Variants in SLC9A8 observed in about 807,000 individuals in gnomAD.
SLC9A8 encodes the protein sodium/hydrogen exchanger 8.
SLC9A8 carries 48 observed loss-of-function variants against 66.6 expected under a neutral mutation model. The ratio of observed to expected loss-of-function variants is 0.72; its 90% confidence interval spans 0.57 to 0.92. SLC9A8 has a LOEUF of 0.92. Ranked by LOEUF, SLC9A8 falls within the 40% of genes least tolerant of loss-of-function variation. SLC9A8 has a pLI of 0.00. For synonymous variants in SLC9A8, 274 were observed against 282.6 expected (o/e 0.97, Z 0.31); for missense variants, 599 against 747.3 (o/e 0.80, Z 2.31).
intron 3 of SLC9A8, chr20:49,830,823 C>A: frequency 3.6e-6 from 5 of 1,402,414 alleles, no homozygotes; most frequent in South Asian, 3.5e-5. Flanking sequence ...TCAGGCCCAG[C>A]AGACACTCTT....
intron 12 of SLC9A8, among the ~76,000 whole-genome samples, chr20:49,878,893 T>C (rs1221547153): frequency 6.6e-6 from 1 of 152,134 alleles, no homozygotes; most frequent in African/African-American, 2.4e-5. Flanking sequence ...GATATGCGCC[T>C]GTAATTCCAG....
At chr20:49,877,875 GTGT>G (rs1279881778) in intron 11 of SLC9A8, 103 bp from the exon 12 acceptor site, 3 of 692,404 alleles carry the variant, frequency 4.3e-6, no homozygotes, top group African/African-American at 1.8e-5. Context: ...AATAAGGAAA[GTGT>G]TGTATTGGAT....
At chr20:49,884,250 C>CACACG (rs2089766327) in intron 14 of SLC9A8, 184 bp downstream of exon 14, 38 of 326,800 alleles carry the variant, frequency 1.2e-4, no homozygotes, top group Middle Eastern at 1.7e-3. Context: ...ACGACACACA[C>CACACG]ACACACACGA....
chr20:49,815,259 C>A, intron 2 of SLC9A8, 70 bp downstream of exon 2: 1 of 1,294,960 alleles, frequency 7.7e-7, no homozygotes, highest in Non-Finnish European at 1.0e-6. Context: ...TGTGTTTAAC[C>A]CTGTCACTCC....
intron 1 of SLC9A8, among the ~76,000 whole-genome samples, chr20:49,813,885 G>A (rs2086450861): frequency 6.6e-6 from 1 of 152,168 alleles, no homozygotes; most frequent in African/African-American, 2.4e-5. Flanking sequence ...GGGAGATGGG[G>A]AAGGACGGGC....
intron 3 of SLC9A8, among the ~76,000 whole-genome samples, chr20:49,839,207 A>G (rs2087665078): frequency 6.6e-6 from 1 of 152,192 alleles, no homozygotes. Context: ...TTAGCTTGTA[A>G]ACTCTGCATT....
rs750629267 is a variant in SLC9A8, at chr20:49,887,890, G to A, written c.1700G>A (p.Arg567His). Residue 567 changes from arginine to histidine, a missense_variant, in exon 16 of 16, where the codon CGC (arginine) becomes CAC (histidine). Arg to His is a conservative substitution (Grantham distance 29). Transcript: ENST00000361573. ...TLTNKWYEEVRQGPSGSEDDE... is the reference protein window; with the variant it reads ...TLTNKWYEEVHQGPSGSEDDE... Reference sequence around the variant, plus strand: ...ACCAACAAGTGGTACGAGGAGGTACGCCAGGGCCCCTCCGGCTCCGAGGAC... The same window carrying A: ...ACCAACAAGTGGTACGAGGAGGTACACCAGGGCCCCTCCGGCTCCGAGGAC... The A allele has an allele frequency of 2.5e-6, 4 of 1,613,748 alleles. No homozygotes were observed. The highest frequency in any genetic ancestry group is 1.7e-4 in the Middle Eastern group (1 of 6,058).
chr20:49,828,120 G>A (rs1269743045), intron 3 of SLC9A8, among the ~76,000 whole-genome samples: 16 of 116,442 alleles, frequency 1.4e-4, no homozygotes, highest in Admixed American at 9.9e-4. Flanking sequence ...CACTTTTGCC[G>A]CCCAGGCTGG....
chr20:49,830,222 A>G, intron 3 of SLC9A8: 2 of 862,760 alleles, frequency 2.3e-6, no homozygotes, highest in Non-Finnish European at 2.0e-6. Flanking sequence ...GCAGCATCAC[A>G]GACAAAAAGA....
rs57704874 is a variant in SLC9A8, at chr20:49,884,259, GACAC to G, written c.1491+204_1491+207del. On this transcript the variant is annotated intron_variant, in intron 14 of 15. Transcript: ENST00000361573. ...ACACACACGACACACACACACACACGACACACACACACACGACACACACACACAC... is the reference window on the plus strand; with the variant it reads ...ACACACACGACACACACACACACACGACACACACACGACACACACACACAC... 2.3e-4 allele frequency: 30 copies of G among 130,234 alleles called. 3 individuals are homozygous for G. In the African/African-American group the frequency reaches 2.5e-3, roughly 11 times the overall value. The allele number at this position is 130,234 out of a possible 1,614,324, so 8.1% of individuals were successfully genotyped here.
rs780562016 is a variant in SLC9A8, at chr20:49,864,808, C to T, written c.922C>T (p.Leu308=). Residue 308 remains leucine (L), a synonymous_variant, in exon 10 of 16, where the codon CTG becomes TTG. Transcript: ENST00000361573. ...EFGMMIIFAY[L]PYGLAEGISL... is the part of the protein sequence containing the mutation. Reference sequence around the variant, plus strand: ...TGGCATGATGATCATTTTTGCTTATCTGCCTTATGGGCTTGCAGAAGGAAT... The same window carrying T: ...TGGCATGATGATCATTTTTGCTTATTTGCCTTATGGGCTTGCAGAAGGAAT... 17 of 1,613,938 alleles carry T rather than the reference C, an allele frequency of 1.1e-5. No individual in the cohort carries two copies. The South Asian group carries it at 1.9e-4, about 18-fold the overall frequency.
chr20:49,872,317 G>T (rs2146712082), intron 10 of SLC9A8, among the ~76,000 whole-genome samples: 1 of 152,228 alleles, frequency 6.6e-6, no homozygotes, highest in Non-Finnish European at 1.5e-5. Context: ...GAGATCAAAT[G>T]TCCAGCTCCT....
At chr20:49,884,240 A>G (rs61401115) in intron 14 of SLC9A8, 174 bp downstream of exon 14, 5,251 of 118,738 alleles carry the variant, frequency 0.044, 450 homozygotes, top group Middle Eastern at 0.065. Flanking sequence ...ACACACACAC[A>G]CGACACACAC....
At position 49,880,908 on chromosome 20, in the gene SLC9A8, T is replaced by A. The variant is rs764695059; in HGVS notation, c.1159-16T>A. ...CAGATGTTTTCACCTAAGACTTAGT[T>A]TGTTGCTATCAACAGGTGCTTGTAC... On this transcript the variant is annotated splice_polypyrimidine_tract_variant and intron_variant, in intron 12 of 15. Transcript: ENST00000361573. 39 of 1,555,658 alleles carry A rather than the reference T, an allele frequency of 2.5e-5. No homozygotes were observed. The highest frequency in any genetic ancestry group is 3.3e-5 in the Non-Finnish European group (37 of 1,127,078).
chr20:49,830,546 G>A, intron 3 of SLC9A8: 4 of 647,088 alleles, frequency 6.2e-6, no homozygotes, highest in East Asian at 2.9e-5. Flanking sequence ...TGGCCTGGGT[G>A]ATTGCGTCCA....
In SLC9A8 at chr20:49,812,930, A is replaced by G; in HGVS notation, c.8A>G (p.Glu3Gly). The change falls in exon 1 of 16, where the codon GAG (glutamate) becomes GGG (glycine). Residue 3 changes from glutamate (E) to glycine (G), a missense_variant. Transcript: ENST00000361573. Reference sequence around the variant, plus strand: ...TCCTGGAAGCTCCGCAGGATGGGGGAGAAGATGGCGGAAGAGGAGTGAGTG... The same window carrying G: ...TCCTGGAAGCTCCGCAGGATGGGGGGGAAGATGGCGGAAGAGGAGTGAGTG... MG[E>G]KMAEEERFPN... 1 of 1,477,996 alleles carries G rather than the reference A, an allele frequency of 6.8e-7. No individual in the cohort carries two copies. The highest frequency in any genetic ancestry group is 2.9e-5 in the East Asian group (1 of 34,138). The allele number at this position is 1,477,996 out of a possible 1,614,324, so 91.6% of individuals were successfully genotyped here.
At chr20:49,872,732 G>A (rs1196738060) in intron 10 of SLC9A8, among the ~76,000 whole-genome samples, 2 of 152,028 alleles carry the variant, frequency 1.3e-5, no homozygotes, top group Admixed American at 6.5e-5. Flanking sequence ...TGATTCACCC[G>A]CCTCGGCCTC....
At chr20:49,816,297 G>A (rs992986655) in intron 2 of SLC9A8, among the ~76,000 whole-genome samples, 10 of 151,964 alleles carry the variant, frequency 6.6e-5, no homozygotes, top group African/African-American at 2.4e-4. Context: ...GTATGTGCCT[G>A]TAATCCCCGC....
At chr20:49,819,012 A>G (rs1254567882) in intron 2 of SLC9A8, among the ~76,000 whole-genome samples, 1 of 152,234 alleles carries the variant, frequency 6.6e-6, no homozygotes, top group Non-Finnish European at 1.5e-5. Context: ...ACAGGATTAC[A>G]GTGTGTTCCT....
Sources: gnomAD v4.1 joint callset for allele counts (sites outside exome capture counted in the v4.1 genomes callset) on GRCh38, gnomAD v4.1.1 for gene constraint, MANE v1.5 for transcripts, NCBI Gene and HGNC (gene_info 2026-07-23, HGNC 2026-07-21) for gene names.